PRKCZ: variants seen among roughly 807,000 people sequenced by gnomAD.
The protein encoded by PRKCZ is protein kinase C zeta type.
A neutral mutation model predicts 79.5 loss-of-function variants in PRKCZ; 33 were observed. That is an observed-to-expected ratio of 0.41 (90% CI 0.31 to 0.55). PRKCZ has a LOEUF of 0.55. Ranked by LOEUF, PRKCZ falls within the 20% of genes least tolerant of loss-of-function variation. The pLI, the probability that PRKCZ is intolerant of heterozygous loss-of-function variation, is 0.19. For synonymous variants in PRKCZ, 342 were observed against 320.9 expected (o/e 1.07, Z -0.70); for missense variants, 578 against 813.5 (o/e 0.71, Z 3.52).
At chr1:2,081,076 G>A (rs1356341787) in intron 4 of PRKCZ, among the ~76,000 whole-genome samples, 1 of 152,162 alleles carries the variant, frequency 6.6e-6, no homozygotes, top group Non-Finnish European at 1.5e-5. Flanking sequence ...CTCTTCCCCC[G>A]TGCTGTCCTG....
chr1:2,185,273 G>C lies in PRKCZ; in HGVS notation c.*264G>C, dbSNP rs1292561508. ...GGATCCGCGGGGACCCTGCCGAGGG[G>C]GCTGTCATGCGGTTTCCAAGGTGCA... On this transcript the variant is annotated 3_prime_UTR_variant, in exon 18 of 18. Transcript: ENST00000378567. 2.8e-6 allele frequency: 2 copies of C among 716,550 alleles called. No individual in the cohort carries two copies. The highest frequency in any genetic ancestry group is 5.2e-6 in the Non-Finnish European group (2 of 383,886). The allele number at this position is 716,550 out of a possible 1,614,324, so 44.4% of individuals were successfully genotyped here.
Position 2,127,013 on chromosome 1 carries a change from C to T in PRKCZ, c.335-8249C>T, listed in dbSNP as rs1428699767. Among the ~76,000 whole-genome samples, 1 of 152,260 alleles carries T rather than the reference C, an allele frequency of 6.6e-6. No homozygotes were observed. The highest frequency in any genetic ancestry group is 1.5e-5 in the Non-Finnish European group (1 of 68,050). ...CGTGAGAGGACGGAAGTCGGCAGAG[C>T]TTGGCTCCCTGTTCGCCCGACTGGC... On this transcript the variant is annotated intron_variant, in intron 4 of 17. Coordinates refer to ENST00000378567, the MANE Select transcript of PRKCZ (RefSeq NM_002744.6). The surrounding 1 kb of genome is among the most constrained non-coding windows in gnomAD (Gnocchi z 5.1).
rs377079466 is a variant in PRKCZ, at chr1:2,073,963, G to A, written c.334+14372G>A. On this transcript the variant is annotated intron_variant, in intron 4 of 17. Transcript: ENST00000378567. ...GGGGCATCTCCCCCGTGGATTTTCC[G>A]CGCCCCCGGGGCCGGGCCAGCCGTG... The A allele has an allele frequency of 3.6e-6, 5 of 1,377,192 alleles. No individual in the cohort carries two copies. In the African/African-American group the frequency reaches 4.4e-5, roughly 12 times the overall value. 85.3% of individuals were successfully genotyped at this position (1,377,192 alleles called of 1,614,324 possible).
chr1:2,123,641 ACGG>A (rs1673028036), intron 4 of PRKCZ, among the ~76,000 whole-genome samples: 1 of 67,278 alleles, frequency 1.5e-5, no homozygotes, highest in African/African-American at 7.2e-5. Flanking sequence ...GGTTAGGGTC[ACGG>A]TGGTAGTTAG....
intron 7 of PRKCZ, 36 bp from the exon 8 acceptor site, chr1:2,148,836 A>G (rs777648493): frequency 1.9e-6 from 3 of 1,607,556 alleles, no homozygotes; most frequent in Non-Finnish European, 2.6e-6. Flanking sequence ...TCCTGACCAC[A>G]CCGTAACGCC....
At position 2,050,522 on chromosome 1, in the gene PRKCZ, C is replaced by A; in HGVS notation, c.-109C>A. 1.5e-6 allele frequency: 1 copy of A among 663,222 alleles called. No homozygotes were observed. Among genetic ancestry groups the A allele is most frequent in the South Asian group, 7.3e-5 (1 of 13,792 alleles). The allele number at this position is 663,222 out of a possible 1,614,324, so 41.1% of individuals were successfully genotyped here. On this transcript the variant is annotated 5_prime_UTR_variant, in exon 1 of 18. Transcript: ENST00000378567. ...AGTTGACCGGGTCGGCGCCGTCGGT[C>A]CTGAGCGCTGCCTTCCGCGTTCCGC...
At chr1:2,141,808 G>T in intron 5 of PRKCZ, 1 of 187,854 alleles carries the variant, frequency 5.3e-6, no homozygotes, top group Non-Finnish European at 1.2e-5. Context: ...TTTTAGAAAT[G>T]GAAGCTGGTG....
At chr1:2,084,172 G>A (rs925505174) in intron 4 of PRKCZ, among the ~76,000 whole-genome samples, 9 of 152,212 alleles carry the variant, frequency 5.9e-5, no homozygotes, top group African/African-American at 1.9e-4. Flanking sequence ...CCTGGGAGGC[G>A]GAGGTTGCGG....
chr1:2,057,333 G>A (rs982525025), intron 3 of PRKCZ, among the ~76,000 whole-genome samples: 29 of 152,230 alleles, frequency 1.9e-4, no homozygotes, highest in Non-Finnish European at 4.0e-4. Flanking sequence ...CAGGGCGTCT[G>A]GGGCCTGGGA....
intron 7 of PRKCZ, among the ~76,000 whole-genome samples, chr1:2,148,002 A>T (rs945945574): frequency 6.8e-6 from 1 of 147,820 alleles, no homozygotes; most frequent in African/African-American, 2.5e-5. Context: ...CTCTCCATCT[A>T]TCCATCCATC....
At chr1:2,050,749 C>A in intron 1 of PRKCZ, 48 bp downstream of exon 1, 1 of 191,268 alleles carries the variant, frequency 5.2e-6, no homozygotes, top group Non-Finnish European at 1.0e-5. Flanking sequence ...GCAGGGAGGG[C>A]GGGGAGGGCT....
intron 1 of PRKCZ, among the ~76,000 whole-genome samples, chr1:2,051,959 G>A (rs1187842592): frequency 1.3e-5 from 2 of 152,162 alleles, no homozygotes; most frequent in Non-Finnish European, 2.9e-5. Context: ...GGATTTCTGG[G>A]GGACTGACCG....
In PRKCZ at chr1:2,174,058, CTG is replaced by C. The variant is rs1684978818; in HGVS notation, c.1405+44_1405+45del. 1 of 1,538,936 alleles carries C rather than the reference CTG, an allele frequency of 6.5e-7. No homozygotes were observed. Among genetic ancestry groups the C allele is most frequent in the Admixed American group, 1.9e-5 (1 of 52,534 alleles). On this transcript the variant is annotated intron_variant, in intron 14 of 17. Coordinates refer to ENST00000378567, the MANE Select transcript of PRKCZ (RefSeq NM_002744.6). This position sits in a 1 kb window ranked among gnomAD's most constrained non-coding sequence, Gnocchi z 6.2. Reference sequence around the variant, plus strand: ...GCGTTCGTACCCCTCACCTGCACGACTGTCTTCCTTCCTTTTCAAAGGTGCAG... The same window carrying C: ...GCGTTCGTACCCCTCACCTGCACGACTCTTCCTTCCTTTTCAAAGGTGCAG...
intron 1 of PRKCZ, among the ~76,000 whole-genome samples, chr1:2,053,224 C>T (rs1017050129): frequency 1.1e-4 from 16 of 152,102 alleles, no homozygotes; most frequent in Non-Finnish European, 1.9e-4. Context: ...CTTCAGCCTC[C>T]CTAGTATCTA....
At chr1:2,121,105 C>T (rs576491585) in intron 4 of PRKCZ, among the ~76,000 whole-genome samples, 11 of 152,310 alleles carry the variant, frequency 7.2e-5, no homozygotes, top group Admixed American at 2.6e-4. Flanking sequence ...TGAGCCACTG[C>T]GCCTGGCATC....
intron 4 of PRKCZ, among the ~76,000 whole-genome samples, chr1:2,117,998 C>CTTTTTTTTTTTTTTT (rs1553152756): frequency 4.6e-5 from 3 of 65,088 alleles, no homozygotes; most frequent in Admixed American, 2.4e-4. Context: ...CCTATTATTT[C>CTTTTTTTTTTTTTTT]TTTTTTTTTT....
chr1:2,063,747 T>A (rs1445931066), intron 4 of PRKCZ, among the ~76,000 whole-genome samples: 1 of 152,182 alleles, frequency 6.6e-6, no homozygotes, highest in African/African-American at 2.4e-5. Flanking sequence ...TTTGACAGTA[T>A]CTTATGGGCG....
intron 4 of PRKCZ, among the ~76,000 whole-genome samples, chr1:2,090,620 G>A (rs1487161397): frequency 1.3e-5 from 2 of 152,234 alleles, no homozygotes; most frequent in African/African-American, 4.8e-5. Flanking sequence ...GAGGCCCCGT[G>A]CACATGTAGG....
chr1:2,070,896 C>T (rs1376222702), intron 4 of PRKCZ, among the ~76,000 whole-genome samples: 1 of 152,076 alleles, frequency 6.6e-6, no homozygotes, highest in Non-Finnish European at 1.5e-5. Flanking sequence ...ATGGCGGGAT[C>T]CCCAGATCCA....
Sources: gnomAD v4.1 joint callset for allele counts (sites outside exome capture counted in the v4.1 genomes callset) on GRCh38, gnomAD v4.1.1 for gene constraint, Gnocchi (gnomAD v3.1) non-coding constraint, MANE v1.5 for transcripts, NCBI Gene and HGNC (gene_info 2026-07-23, HGNC 2026-07-21) for gene names.